The following HORMAD2 variants were observed in gnomAD, a reference collection of about 807,000 sequenced individuals.
HORMAD2 encodes HORMA domain-containing protein 2.
Under a neutral mutation model 38.8 loss-of-function variants are expected in HORMAD2, and 45 were observed. The ratio of observed to expected loss-of-function variants is 1.16; its 90% confidence interval spans 0.91 to 1.49. The LOEUF (loss-of-function observed/expected upper bound fraction) is 1.49. HORMAD2 is among the 40% of genes most tolerant of loss of function. The pLI is 0.00. For synonymous variants in HORMAD2, 126 were observed against 122.8 expected, an observed-to-expected ratio of 1.03 and a Z score of -0.17; for missense variants, 338 against 367.0, an observed-to-expected ratio of 0.92 and a Z score of 0.65.
intron 10 of HORMAD2, among the ~76,000 whole-genome samples, chr22:30,141,462 A>G (rs1924064970): frequency 6.6e-6 from 1 of 152,166 alleles, no homozygotes; most frequent in Non-Finnish European, 1.5e-5. Flanking sequence ...TGGTGCACCC[A>G]TCACCTGAGC....
chr22:30,096,374 T>G (rs534052199), intron 2 of HORMAD2, among the ~76,000 whole-genome samples: 2 of 152,316 alleles, frequency 1.3e-5, no homozygotes, highest in Admixed American at 1.3e-4. Context: ...CCAAAGAGGT[T>G]GTGCCCATTT....
intron 1 of HORMAD2, among the ~76,000 whole-genome samples, chr22:30,085,093 C>T (rs917085159): frequency 4.9e-4 from 74 of 151,636 alleles, no homozygotes; most frequent in African/African-American, 1.4e-3. Context: ...TTGCAGTGAG[C>T]CGAGATTGCG....
chr22:30,090,655 C>A (rs2052819809), intron 1 of HORMAD2, among the ~76,000 whole-genome samples: 1 of 152,182 alleles, frequency 6.6e-6, no homozygotes, highest in Non-Finnish European at 1.5e-5. Flanking sequence ...TTCATTCCCA[C>A]CAGCAATGCA....
chr22:30,116,154 C>G (rs1465722875), intron 7 of HORMAD2, among the ~76,000 whole-genome samples: 1 of 151,986 alleles, frequency 6.6e-6, no homozygotes, highest in Non-Finnish European at 1.5e-5. Flanking sequence ...GGCCCTAAGA[C>G]AGGAAGGAAT....
intron 10 of HORMAD2, among the ~76,000 whole-genome samples, chr22:30,131,251 T>C (rs1923264731): frequency 6.6e-6 from 1 of 152,232 alleles, no homozygotes; most frequent in Non-Finnish European, 1.5e-5. Context: ...CAGACAGTGA[T>C]AAAAAGATGG....
At chr22:30,193,629 A>G in the HORMAD2 span, among the ~76,000 whole-genome samples, 1 of 152,210 alleles carries the variant, frequency 6.6e-6, no homozygotes, top group Non-Finnish European at 1.5e-5. Flanking sequence ...CAGTGAGTGC[A>G]TAGGCCCTGA....
Position 30,128,436 on chromosome 22 carries a change from T to A in HORMAD2, c.819+6222T>A, listed in dbSNP as rs11912897. Among the ~76,000 whole-genome samples the A allele has an allele frequency of 3.4e-3, 512 of 152,316 alleles. 10 individuals carry two copies. The highest frequency in any genetic ancestry group is 0.012 in the African/African-American group (494 of 41,576). On this transcript the variant is annotated intron_variant, in intron 10 of 10. Coordinates refer to ENST00000336726, the MANE Select transcript of HORMAD2 (RefSeq NM_152510.4). ...TGTTCCACTTTAATCTTTATATTTT[T>A]AATTTTAATGACTTCTTGTTTTATT...
chr22:30,121,761 T>C lies in HORMAD2; in HGVS notation c.540T>C (p.Leu180=). 1 of 1,612,496 alleles carries C rather than the reference T, an allele frequency of 6.2e-7. No homozygotes were observed. Among genetic ancestry groups the C allele is most frequent in the Non-Finnish European group, 8.5e-7 (1 of 1,179,264 alleles). ...DLEPLPNNVV[L]TMKLHYYNAV... ...AGCCACTTCCTAATAATGTTGTACTTACTATGAAACTCCACTACTATAATG... is the reference window on the plus strand; with the variant it reads ...AGCCACTTCCTAATAATGTTGTACTCACTATGAAACTCCACTACTATAATG... Residue 180 remains leucine (L), a synonymous_variant, in exon 9 of 11, where the codon CTT becomes CTC. Transcript: ENST00000336726.
the HORMAD2 span, among the ~76,000 whole-genome samples, chr22:30,199,451 GT>G: frequency 1.3e-5 from 2 of 152,180 alleles, no homozygotes; most frequent in Non-Finnish European, 2.9e-5. Context: ...ATTCTCTTTA[GT>G]TTTTTAGTCT....
At chr22:30,121,179 G>C (rs1162084290) in intron 8 of HORMAD2, among the ~76,000 whole-genome samples, 1 of 152,200 alleles carries the variant, frequency 6.6e-6, no homozygotes, top group Non-Finnish European at 1.5e-5. Flanking sequence ...GAGATAATCA[G>C]ACGGTAGAAA....
intron 7 of HORMAD2, among the ~76,000 whole-genome samples, chr22:30,113,638 G>A (rs1921828562): frequency 6.6e-6 from 1 of 152,088 alleles, no homozygotes; most frequent in Non-Finnish European, 1.5e-5. Context: ...AGAAATTGAG[G>A]GAGAAACTTT....
At chr22:30,122,468 T>C (rs1922530314) in intron 10 of HORMAD2, among the ~76,000 whole-genome samples, 1 of 152,206 alleles carries the variant, frequency 6.6e-6, no homozygotes, top group Non-Finnish European at 1.5e-5. Context: ...ATATCATAAA[T>C]TTAGAAAATT....
Position 30,121,955 on chromosome 22 carries a change from A to G in HORMAD2, c.569-9A>G, listed in dbSNP as rs1246135654. On this transcript the variant is annotated splice_polypyrimidine_tract_variant and intron_variant, in intron 9 of 10. Coordinates refer to ENST00000336726, the MANE Select transcript of HORMAD2 (RefSeq NM_152510.4). Reference sequence around the variant, plus strand: ...GTTTTCATGGCTTTTTGCCCTTTTCATTTCGCAGTGACCCCACATGATTAC... The same window carrying G: ...GTTTTCATGGCTTTTTGCCCTTTTCGTTTCGCAGTGACCCCACATGATTAC... 1.9e-6 allele frequency: 3 copies of G among 1,605,670 alleles called. No homozygotes were observed. The African/African-American group carries it at 4.0e-5, about 22-fold the overall frequency.
chr22:30,181,632 T>C (rs1926721697), downstream of HORMAD2, among the ~76,000 whole-genome samples: 1 of 152,242 alleles, frequency 6.6e-6, no homozygotes, highest in Non-Finnish European at 1.5e-5. Flanking sequence ...GGGAACTTTG[T>C]AGCTGTCTTT....
At chr22:30,206,677 T>C in the HORMAD2 span, among the ~76,000 whole-genome samples, 1 of 151,800 alleles carries the variant, frequency 6.6e-6, no homozygotes, top group East Asian at 1.9e-4. Flanking sequence ...AAATGAAGTC[T>C]CACTATGTTG....
intron 3 of HORMAD2, among the ~76,000 whole-genome samples, chr22:30,100,916 TAA>T (rs1451586007): frequency 6.6e-6 from 1 of 152,082 alleles, no homozygotes. Context: ...CGGAAATCAC[TAA>T]AAAGTCAGGA....
At chr22:30,168,664 CA>C (rs1925928727) in intron 10 of HORMAD2, among the ~76,000 whole-genome samples, 1 of 152,038 alleles carries the variant, frequency 6.6e-6, no homozygotes, top group South Asian at 2.1e-4. Context: ...GTGCTTATTC[CA>C]ATTAATGATC....
chr22:30,079,176 T>A (rs2068427671), upstream of HORMAD2, among the ~76,000 whole-genome samples: 1 of 152,202 alleles, frequency 6.6e-6, no homozygotes. Flanking sequence ...GCTCACTCTT[T>A]CATCTACTCT....
the HORMAD2 span, among the ~76,000 whole-genome samples, chr22:30,187,109 G>A: frequency 6.6e-6 from 1 of 152,162 alleles, no homozygotes; most frequent in African/African-American, 2.4e-5. Context: ...ATGGCAAGTA[G>A]CATTCTAGAG....
Sources: gnomAD v4.1 joint callset for allele counts (sites outside exome capture counted in the v4.1 genomes callset) on GRCh38, gnomAD v4.1.1 for gene constraint, MANE v1.5 for transcripts, NCBI Gene and HGNC (gene_info 2026-07-23, HGNC 2026-07-21) for gene names.